The following MIIP variants were observed in gnomAD, a reference collection of about 807,000 sequenced individuals.
The protein encoded by MIIP is migration and invasion-inhibitory protein.
Under a neutral mutation model 44.8 loss-of-function variants are expected in MIIP, and 44 were observed. The observed-to-expected ratio is 0.98, with a 90% CI of 0.77 to 1.26. MIIP has a LOEUF of 1.26. Ranked by LOEUF, MIIP falls within the 50% of genes most tolerant of loss-of-function variation. The pLI, the probability that MIIP is intolerant of heterozygous loss-of-function variation, is 0.00. For missense variants in MIIP, 496 were observed against 511.7 expected (o/e 0.97, Z 0.30); for synonymous variants, 225 against 218.3 (o/e 1.03, Z -0.27).
At chr1:12,024,868 G>C (rs996046127) in intron 4 of MIIP, among the ~76,000 whole-genome samples, 2 of 151,992 alleles carry the variant, frequency 1.3e-5, no homozygotes, top group African/African-American at 4.8e-5. Context: ...TCCAGCCCTG[G>C]ACAGTCACCA....
rs1640243847 is a variant in MIIP at position 12,031,586 on chromosome 1, C to G, written c.1081-136C>G. On this transcript the variant is annotated intron_variant, in intron 9 of 9. Transcript: ENST00000235332. ...ACCCTAGCCATCCCTCGGAACTCCT[C>G]TGCTCCCTGCCGCCTGCCCTGCTCC... 19 of 1,605,540 alleles carry G rather than the reference C, an allele frequency of 1.2e-5. No individual in the cohort carries two copies. In the South Asian group the frequency reaches 1.9e-4, roughly 16 times the overall value.
At chr1:12,021,875 G>C in intron 2 of MIIP, 35 bp downstream of exon 2, 1 of 1,528,828 alleles carries the variant, frequency 6.5e-7, no homozygotes, top group African/African-American at 1.4e-5. Context: ...AGAGGAAGGG[G>C]CTACCTGACC....
chr1:12,020,425 G>T (rs1417887255), intron 1 of MIIP, among the ~76,000 whole-genome samples: 1 of 152,200 alleles, frequency 6.6e-6, no homozygotes, highest in Non-Finnish European at 1.5e-5. Context: ...AGCCATTTTG[G>T]TAATAATAGA....
chr1:12,021,163 G>A (rs1467168763), intron 1 of MIIP, among the ~76,000 whole-genome samples: 2 of 152,010 alleles, frequency 1.3e-5, no homozygotes, highest in Non-Finnish European at 2.9e-5. Flanking sequence ...GGGAGACCGA[G>A]GCAGGCGGAT....
At chr1:12,027,333 G>A (rs929091156) in intron 4 of MIIP, among the ~76,000 whole-genome samples, 1 of 152,110 alleles carries the variant, frequency 6.6e-6, no homozygotes, top group African/African-American at 2.4e-5. Flanking sequence ...CTTAAATCGG[G>A]CTTCAGCTCC....
chr1:12,019,878 C>T (rs1639932816), intron 1 of MIIP, among the ~76,000 whole-genome samples: 1 of 152,262 alleles, frequency 6.6e-6, no homozygotes, highest in Non-Finnish European at 1.5e-5. Context: ...GGCCCAGAGC[C>T]ACTTGGCCAG....
At chr1:12,025,274 G>T (rs981892245) in intron 4 of MIIP, among the ~76,000 whole-genome samples, 1 of 151,886 alleles carries the variant, frequency 6.6e-6, no homozygotes, top group African/African-American at 2.4e-5. Context: ...TGGCCAGGCT[G>T]GTCTCGAACT....
At position 12,029,757 on chromosome 1, in the gene MIIP, C is replaced by G. The variant is rs777138221; in HGVS notation, c.716-8C>G. ...AGGGAGAGCTGTGGCTTCTCATGGGCCTCGCAGGCGTGTACTGTTACCGTG... is the reference window on the plus strand; with the variant it reads ...AGGGAGAGCTGTGGCTTCTCATGGGGCTCGCAGGCGTGTACTGTTACCGTG... On this transcript the variant is annotated splice_polypyrimidine_tract_variant and splice_region_variant and intron_variant, in intron 6 of 9. Transcript: ENST00000235332. The G allele has an allele frequency of 6.2e-7, 1 of 1,605,932 alleles. No homozygotes were observed. Among genetic ancestry groups the G allele is most frequent in the Non-Finnish European group, 8.5e-7 (1 of 1,174,110 alleles).
At chr1:12,023,059 CTTTTTTT>C (rs869060053) in intron 4 of MIIP, 142 bp downstream of exon 4, 29 of 353,254 alleles carry the variant, frequency 8.2e-5, no homozygotes, top group East Asian at 2.0e-4. Flanking sequence ...GGAGCACCCT[CTTTTTTT>C]TTTTTTTTTT....
At position 12,021,719 on chromosome 1, in the gene MIIP, G is replaced by C; in HGVS notation, c.-8G>C. On this transcript the variant is annotated 5_prime_UTR_variant, in exon 2 of 10. Coordinates refer to ENST00000235332, the MANE Select transcript of MIIP (RefSeq NM_021933.4). ...GGGGCAAGTGACACCTGCTGAGAGA[G>C]GCCCAGGATGGTGGAGGCTGAGGAA... 1 of 1,612,018 alleles carries C rather than the reference G, an allele frequency of 6.2e-7. No homozygotes were observed. Among genetic ancestry groups the C allele is most frequent in the Non-Finnish European group, 8.5e-7 (1 of 1,179,628 alleles).
At chr1:12,028,596 A>G (rs941945173) in intron 4 of MIIP, 1 of 171,126 alleles carries the variant, frequency 5.8e-6, no homozygotes. Context: ...CTTCCCTGGT[A>G]TGGCTGCCCG....
chr1:12,023,060 T>G, intron 4 of MIIP, 143 bp downstream of exon 4: 1 of 134,090 alleles, frequency 7.5e-6, no homozygotes, highest in Non-Finnish European at 1.5e-5. Context: ...GAGCACCCTC[T>G]TTTTTTTTTT....
Position 12,031,583 on chromosome 1 carries a change from C to G in MIIP, c.1081-139C>G, listed in dbSNP as rs1261071770. On this transcript the variant is annotated intron_variant, in intron 9 of 9. Transcript: ENST00000235332. ...CTGACCCTAGCCATCCCTCGGAACT[C>G]CTCTGCTCCCTGCCGCCTGCCCTGC... is the stretch of plus-strand genomic sequence containing the variant. 15 of 1,604,448 alleles carry G rather than the reference C, an allele frequency of 9.3e-6. No individual in the cohort carries two copies. The East Asian group carries it at 3.1e-4, about 33-fold the overall frequency.
chr1:12,031,447 G>A (rs762139722), intron 9 of MIIP, 44 bp downstream of exon 9: 2 of 1,593,678 alleles, frequency 1.3e-6, no homozygotes, highest in Non-Finnish European at 1.7e-6. Context: ...CCCCTAGAGG[G>A]ACAGAGACCT....
Position 12,030,101 on chromosome 1 carries a change from T to A in MIIP, c.919T>A (p.Ser307Thr). 8 of 1,612,994 alleles carry A rather than the reference T, an allele frequency of 5.0e-6. No homozygotes were observed. Among genetic ancestry groups the A allele is most frequent in the Non-Finnish European group, 6.8e-6 (8 of 1,179,938 alleles). The change falls in exon 8 of 10, where the codon TCT (serine) becomes ACT (threonine). Residue 307 changes from serine to threonine, a missense_variant. Transcript: ENST00000235332. ...CCACCGGCGAAAGAGCTTTGACGCC[T>A]CTGACACACTGGCCCTGCCCCGGGT... is the stretch of plus-strand genomic sequence containing the variant. ...HIHRRKSFDASDTLALPRHCL... is the reference protein window; with the variant it reads ...HIHRRKSFDATDTLALPRHCL...
chr1:12,022,085 C>T lies in MIIP; in HGVS notation c.115-10C>T. Reference sequence around the variant, plus strand: ...AGCCACTCCCTGGGTGACCCGGCCCCTCTCTCCAGTCAAGCCTGGAATCCA... The same window carrying T: ...AGCCACTCCCTGGGTGACCCGGCCCTTCTCTCCAGTCAAGCCTGGAATCCA... On this transcript the variant is annotated splice_polypyrimidine_tract_variant and intron_variant, in intron 2 of 9. Coordinates refer to ENST00000235332, the MANE Select transcript of MIIP (RefSeq NM_021933.4). 6.2e-7 allele frequency: 1 copy of T among 1,611,588 alleles called. No individual in the cohort carries two copies. Among genetic ancestry groups the T allele is most frequent in the African/African-American group, 1.3e-5 (1 of 74,978 alleles).
Position 12,031,044 on chromosome 1 carries a change from G to A in MIIP, c.943-222G>A, listed in dbSNP as rs1003087349. 16 of 580,864 alleles carry A rather than the reference G, an allele frequency of 2.8e-5. 1 individual carries two copies. Among genetic ancestry groups the A allele is most frequent in the South Asian group, 2.3e-4 (11 of 46,924 alleles). 36.0% of individuals were successfully genotyped at this position (580,864 alleles called of 1,614,324 possible). On this transcript the variant is annotated intron_variant, in intron 8 of 9. Coordinates refer to ENST00000235332, the MANE Select transcript of MIIP (RefSeq NM_021933.4). ...GTACCCTGTGAATGTCACTGTCACC[G>A]TCCTATCCTCCTCCCATTTCAGCTC...
chr1:12,025,427 G>C (rs897927663), intron 4 of MIIP, among the ~76,000 whole-genome samples: 2 of 151,868 alleles, frequency 1.3e-5, no homozygotes, highest in African/African-American at 4.8e-5. Context: ...TTGTTTATCT[G>C]TTCATTCAGG....
intron 1 of MIIP, among the ~76,000 whole-genome samples, chr1:12,019,847 A>G (rs894602013): frequency 3.3e-5 from 5 of 152,152 alleles, no homozygotes; most frequent in African/African-American, 1.2e-4. Flanking sequence ...GAAAACGGCG[A>G]CCCTCTGACT....
Sources: gnomAD v4.1 joint callset for allele counts (sites outside exome capture counted in the v4.1 genomes callset) on GRCh38, gnomAD v4.1.1 for gene constraint, MANE v1.5 for transcripts, NCBI Gene and HGNC (gene_info 2026-07-23, HGNC 2026-07-21) for gene names.